NTM: variants seen among roughly 807,000 people sequenced by gnomAD.
NTM encodes the protein IgLON family member 2.
NTM carries 13 observed loss-of-function variants against 42.1 expected under a neutral mutation model. The ratio of observed to expected loss-of-function variants is 0.31; its 90% CI spans 0.20 to 0.49. NTM has a LOEUF of 0.49. Ranked by LOEUF, NTM falls within the 20% of genes least tolerant of loss-of-function variation. The pLI, the probability that NTM is intolerant of heterozygous loss-of-function variation, is 0.99. For synonymous variants in NTM, 187 were observed against 179.2 expected (o/e 1.04, Z -0.35); for missense variants, 373 against 452.8 (o/e 0.82, Z 1.60).
chr11:132,176,834 T>C (rs996225927), intron 3 of NTM, among the ~76,000 whole-genome samples: 1 of 149,394 alleles, frequency 6.7e-6, no homozygotes, highest in African/African-American at 2.5e-5. Context: ...GTTCAAGTGA[T>C]TATCTTGCCT....
intron 2 of NTM, among the ~76,000 whole-genome samples, chr11:132,104,530 T>C (rs998362848): frequency 6.6e-6 from 1 of 151,594 alleles, no homozygotes; most frequent in Non-Finnish European, 1.5e-5. Flanking sequence ...GGCAGGAGGA[T>C]TGCTTGAGCC....
At chr11:132,246,459 C>G (rs2091178630) in intron 4 of NTM, among the ~76,000 whole-genome samples, 1 of 152,260 alleles carries the variant, frequency 6.6e-6, no homozygotes, top group African/African-American at 2.4e-5. Context: ...GCCGAGGTCA[C>G]AGAGCTGAAC....
chr11:132,278,133 T>C (rs193202296), intron 4 of NTM, among the ~76,000 whole-genome samples: 4 of 152,364 alleles, frequency 2.6e-5, no homozygotes, highest in Non-Finnish European at 5.9e-5. Context: ...CTCTGCATCC[T>C]TTACAGCCTA....
chr11:131,532,697 G>C (rs746257937), intron 1 of NTM, among the ~76,000 whole-genome samples: 5 of 152,216 alleles, frequency 3.3e-5, no homozygotes, highest in Non-Finnish European at 7.3e-5. Context: ...AGTGTACAAG[G>C]GTTCTGGTTT....
chr11:131,766,349 G>A (rs1178087080), intron 1 of NTM, among the ~76,000 whole-genome samples: 2 of 152,168 alleles, frequency 1.3e-5, no homozygotes, highest in Non-Finnish European at 1.5e-5. Context: ...GGGGATCAGG[G>A]GCCAGGAGCT....
At chr11:131,668,918 A>C (rs2069592450) in intron 1 of NTM, among the ~76,000 whole-genome samples, 1 of 152,226 alleles carries the variant, frequency 6.6e-6, no homozygotes, top group Admixed American at 6.5e-5. Flanking sequence ...AATAATAATA[A>C]AGTAAGGCTC....
At chr11:131,425,868 A>T (rs1465429654) in intron 1 of NTM, among the ~76,000 whole-genome samples, 2 of 152,164 alleles carry the variant, frequency 1.3e-5, no homozygotes, top group African/African-American at 2.4e-5. Context: ...GGAACAATAA[A>T]GTTATTTGCA....
intron 1 of NTM, among the ~76,000 whole-genome samples, chr11:131,749,893 G>T (rs752338587): frequency 6.6e-5 from 10 of 152,190 alleles, no homozygotes; most frequent in Non-Finnish European, 1.2e-4. Context: ...ATCGTTTTAT[G>T]TAGAGGATAC....
At chr11:131,653,606 T>C (rs1050935619) in intron 1 of NTM, among the ~76,000 whole-genome samples, 5 of 152,192 alleles carry the variant, frequency 3.3e-5, no homozygotes, top group Non-Finnish European at 5.9e-5. Flanking sequence ...AACTGTGAGA[T>C]GTTTAGCAGG....
chr11:131,608,395 T>C (rs1221013168), intron 1 of NTM, among the ~76,000 whole-genome samples: 5 of 152,230 alleles, frequency 3.3e-5, no homozygotes, highest in Non-Finnish European at 7.3e-5. Flanking sequence ...GTTCAGGAAA[T>C]CATCCTTCCT....
At chr11:131,481,629 TGTTG>T (rs1160230298) in intron 1 of NTM, among the ~76,000 whole-genome samples, 4 of 44,926 alleles carry the variant, frequency 8.9e-5, no homozygotes, top group South Asian at 7.0e-4. Flanking sequence ...TGCAGGGCCC[TGTTG>T]CAGGGAAGCA....
intron 1 of NTM, among the ~76,000 whole-genome samples, chr11:131,511,629 C>T (rs996833122): frequency 1.1e-4 from 17 of 148,632 alleles, no homozygotes; most frequent in African/African-American, 4.1e-4. Flanking sequence ...CTCATCTCTG[C>T]TTAGGATTGA....
At chr11:131,837,822 G>A (rs1004241939) in intron 1 of NTM, among the ~76,000 whole-genome samples, 4 of 152,158 alleles carry the variant, frequency 2.6e-5, no homozygotes, top group Non-Finnish European at 5.9e-5. Context: ...TCTCTGTGGC[G>A]ACGTGCCCTG....
chr11:132,274,256 G>A (rs760439289), intron 4 of NTM, among the ~76,000 whole-genome samples: 1 of 151,048 alleles, frequency 6.6e-6, no homozygotes, highest in Non-Finnish European at 1.5e-5. Flanking sequence ...GCCTGGTTTA[G>A]GCTTAGTTTA....
intron 1 of NTM, among the ~76,000 whole-genome samples, chr11:131,859,683 C>T (rs773821737): frequency 3.3e-5 from 5 of 152,172 alleles, no homozygotes; most frequent in Admixed American, 2.0e-4. Context: ...TAATAACACT[C>T]ATTCTCTAGT....
rs143786151 is a variant in NTM at position 132,048,568 on chromosome 11, G to A, written c.168-97714G>A. On this transcript the variant is annotated intron_variant, in intron 2 of 8. Coordinates refer to ENST00000683400, the MANE Select transcript of NTM (RefSeq NM_001352005.2). ...GTTCTGCATTTCTTGTCATAATTCC[G>A]GAGTCTATCTGAAGCCTTGTGTGAG... Among the ~76,000 whole-genome samples, 174 of 152,188 alleles carry A rather than the reference G, an allele frequency of 1.1e-3. 1 individual carries two copies. The highest frequency in any genetic ancestry group is 7.9e-4 in the Non-Finnish European group (54 of 68,004).
chr11:131,922,211 C>G (rs1419308488), intron 2 of NTM: 1 of 152,622 alleles, frequency 6.6e-6, no homozygotes, highest in Non-Finnish European at 1.5e-5. Context: ...CTCATTATGG[C>G]TGCTGGACAT....
intron 2 of NTM, among the ~76,000 whole-genome samples, chr11:132,037,314 C>T (rs1217342197): frequency 6.6e-6 from 1 of 152,122 alleles, no homozygotes; most frequent in Non-Finnish European, 1.5e-5. Flanking sequence ...GCTCCCTTCA[C>T]CTCAGCCATG....
chr11:131,967,347 G>C (rs1230935229), intron 2 of NTM, among the ~76,000 whole-genome samples: 3 of 152,166 alleles, frequency 2.0e-5, no homozygotes, highest in East Asian at 1.9e-4. Flanking sequence ...TATGATCAGT[G>C]GGGGGCAACT....
Sources: allele counts gnomAD v4.1 joint callset (sites outside exome capture counted in the v4.1 genomes callset), GRCh38; gene constraint gnomAD v4.1.1; transcripts MANE v1.5; gene names NCBI Gene and HGNC (gene_info 2026-07-23, HGNC 2026-07-21).